The following MR1 variants were observed in gnomAD, a reference collection of about 807,000 sequenced individuals.
MR1 encodes major histocompatibility complex, class I-related, also known as major histocompatibility complex class I-related protein 1.
A neutral mutation model predicts 37.8 loss-of-function variants in MR1; 44 were observed. That is an observed-to-expected ratio of 1.16 (90% CI 0.91 to 1.50). The LOEUF (loss-of-function observed/expected upper bound fraction) is 1.50, where lower values mean the gene tolerates loss of function less well. Among genes scored for constraint, MR1 ranks in the 40% most tolerant of loss-of-function variants. The pLI is 0.00. For synonymous variants in MR1, 153 were observed against 155.8 expected, an observed-to-expected ratio of 0.98 and a Z score of 0.13; for missense variants, 386 against 419.1, an observed-to-expected ratio of 0.92 and a Z score of 0.69.
chr1:181,053,019 C>T (rs1187925245), intron 4 of MR1, among the ~76,000 whole-genome samples: 1 of 151,816 alleles, frequency 6.6e-6, no homozygotes, highest in African/African-American at 2.4e-5. Context: ...GAGCCGAGAT[C>T]GCACCACTAC....
At position 181,052,140 on chromosome 1, in the gene MR1, A is replaced by C. The variant is rs1173995210; in HGVS notation, c.605-95A>C. 5 of 1,410,924 alleles carry C rather than the reference A, an allele frequency of 3.5e-6. No homozygotes were observed. In the East Asian group the frequency reaches 9.3e-5, roughly 26 times the overall value. 87.4% of individuals were successfully genotyped at this position (1,410,924 alleles called of 1,614,324 possible). On this transcript the variant is annotated intron_variant, in intron 3 of 5. Transcript: ENST00000367580. ...ATTCTTAGCTTTAGAAGTTTCCTGC[A>C]ATAAAGAAAAATTAGGAAAGCCAGT... is the stretch of plus-strand genomic sequence containing the variant.
intron 1 of MR1, among the ~76,000 whole-genome samples, chr1:181,047,532 G>A (rs1249864263): frequency 6.6e-6 from 1 of 152,182 alleles, no homozygotes; most frequent in Admixed American, 6.5e-5. Flanking sequence ...CCAGGAGGCA[G>A]AGGTTGCAGT....
chr1:181,047,980 G>C (rs915236931), intron 1 of MR1, among the ~76,000 whole-genome samples: 1 of 151,826 alleles, frequency 6.6e-6, no homozygotes, highest in Non-Finnish European at 1.5e-5. Flanking sequence ...CACTTTGGGA[G>C]GCCGAGGTGG....
chr1:181,037,284 G>A (rs1657326209), intron 1 of MR1, among the ~76,000 whole-genome samples: 1 of 152,196 alleles, frequency 6.6e-6, no homozygotes, highest in South Asian at 2.1e-4. Flanking sequence ...GCTTAGAAGT[G>A]ACCTTGAGTT....
At chr1:181,048,951 A>C in intron 1 of MR1, 101 bp from the exon 2 acceptor site, 14 of 1,429,128 alleles carry the variant, frequency 9.8e-6, no homozygotes, top group East Asian at 2.3e-5. Context: ...AGGCCTGGGT[A>C]CAGCTGAGTA....
intron 1 of MR1, among the ~76,000 whole-genome samples, chr1:181,046,140 C>G (rs923497056): frequency 6.6e-6 from 1 of 152,218 alleles, no homozygotes; most frequent in Admixed American, 6.5e-5. Context: ...CTGTGCGGCC[C>G]GAGCCTCCCC....
chr1:181,051,861 A>G (rs1056741710), intron 3 of MR1, among the ~76,000 whole-genome samples: 4 of 152,214 alleles, frequency 2.6e-5, no homozygotes, highest in African/African-American at 4.8e-5. Flanking sequence ...CTAATCTCCA[A>G]TCTATTGCTG....
chr1:181,048,971 C>T (rs560698056), intron 1 of MR1, 81 bp from the exon 2 acceptor site: 138 of 1,535,736 alleles, frequency 9.0e-5, no homozygotes, highest in Admixed American at 1.8e-4. Flanking sequence ...AGGGAGCACT[C>T]GTGTGGGGCT....
intron 3 of MR1, chr1:181,051,170 T>C (rs1392638842): frequency 6.6e-6 from 1 of 151,626 alleles, no homozygotes; most frequent in Non-Finnish European, 1.5e-5. Context: ...GGGAAGAGTA[T>C]GGGAAGCTCC....
In MR1 at chr1:181,052,301, C is replaced by G; in HGVS notation, c.671C>G (p.Ala224Gly). Residue 224 changes from alanine (A) to glycine (G), a missense_variant, in exon 4 of 6, where the codon GCT (alanine) becomes GGT (glycine). By Grantham distance (60) the Ala-to-Gly change is moderately conservative (BLOSUM62 0). Transcript: ENST00000367580. ...GGGGTTACAGCTCTCTTCTGCAAAGCTCATGGCTTTTACCCCCCAGAAATT... is the reference window on the plus strand; with the variant it reads ...GGGGTTACAGCTCTCTTCTGCAAAGGTCATGGCTTTTACCCCCCAGAAATT... ...FPGVTALFCK[A>G]HGFYPPEIYM... 5.0e-6 allele frequency: 8 copies of G among 1,614,214 alleles called. No individual in the cohort carries two copies. The highest frequency in any genetic ancestry group is 6.8e-6 in the Non-Finnish European group (8 of 1,180,034).
chr1:181,049,412 G>A, intron 2 of MR1, 100 bp downstream of exon 2: 10 of 1,415,052 alleles, frequency 7.1e-6, no homozygotes, highest in Non-Finnish European at 8.5e-6. Context: ...TGCACCTGCT[G>A]TAGCTTTGGC....
intron 1 of MR1, among the ~76,000 whole-genome samples, chr1:181,040,633 G>T (rs914074721): frequency 6.6e-6 from 1 of 152,184 alleles, no homozygotes; most frequent in African/African-American, 2.4e-5. Context: ...GCAGAGCCAC[G>T]CTGGGCTGAA....
rs753842424 is a variant in MR1, at chr1:181,052,349, G to C, written c.719G>C (p.Gly240Ala). The C allele has an allele frequency of 1.2e-6, 2 of 1,614,144 alleles. No individual in the cohort carries two copies. The highest frequency in any genetic ancestry group is 2.2e-5 in the South Asian group (2 of 91,080). ...ATTTACATGACATGGATGAAAAACG[G>C]GGAAGAAATTGTCCAAGAAATTGAT... The part of the protein sequence containing the change: ...PEIYMTWMKN[G>A]EEIVQEIDYG... The change falls in exon 4 of 6, where the codon GGG becomes GCG. Residue 240 changes from glycine (G) to alanine (A), a missense_variant. By Grantham distance (60) the Gly-to-Ala change is moderately conservative (BLOSUM62 0). Coordinates refer to ENST00000367580, the MANE Select transcript of MR1 (RefSeq NM_001385161.1).
At position 181,061,339 on chromosome 1, in the gene MR1, G is replaced by A. The variant is rs534167991; in HGVS notation, c.*6074G>A. 1.1e-4 allele frequency: 16 copies of A among 152,328 alleles called. No homozygotes were observed. In the East Asian group the frequency reaches 1.2e-3, roughly 11 times the overall value. The allele number at this position is 152,328 out of a possible 1,614,324, so 9.4% of individuals were successfully genotyped here. On this transcript the variant is annotated 3_prime_UTR_variant, in exon 6 of 6. Transcript: ENST00000367580. ...GACGCCAGCCCAGGCCAGGTCACCC[G>A]GCTTGGCCAGCAGAACACAGAGTAG...
chr1:181,048,465 G>T (rs1397479001), intron 1 of MR1, among the ~76,000 whole-genome samples: 1 of 151,782 alleles, frequency 6.6e-6, no homozygotes. Context: ...AACCCAGGAG[G>T]CGGAGGTTGC....
intron 3 of MR1, chr1:181,051,097 T>G (rs1245531282): frequency 6.6e-6 from 1 of 152,150 alleles, no homozygotes; most frequent in Admixed American, 6.5e-5. Flanking sequence ...ATGTATGGTC[T>G]TGTTATTCAA....
At chr1:181,050,677 C>T (rs1262918311) in intron 3 of MR1, 1 of 272,842 alleles carries the variant, frequency 3.7e-6, no homozygotes, top group African/African-American at 2.2e-5. Context: ...CCAAGACAAA[C>T]AGAAGGTCTC....
In MR1 at chr1:181,042,428, T is replaced by C. The variant is rs893791624; in HGVS notation, c.68-6624T>C. On this transcript the variant is annotated intron_variant, in intron 1 of 5. Coordinates refer to ENST00000367580, the MANE Select transcript of MR1 (RefSeq NM_001385161.1). Reference sequence around the variant, plus strand: ...GTTGGTCAGGCTGGTCTTGAACTCCTGACCTTAGGTGATCCACCCACCTCG... The same window carrying C: ...GTTGGTCAGGCTGGTCTTGAACTCCCGACCTTAGGTGATCCACCCACCTCG... Among the ~76,000 whole-genome samples the C allele has an allele frequency of 8.7e-5, 13 of 150,252 alleles. No individual in the cohort carries two copies. The South Asian group carries it at 2.2e-3, about 25-fold the overall frequency.
At chr1:181,044,031 T>C (rs2102375793) in intron 1 of MR1, among the ~76,000 whole-genome samples, 1 of 150,462 alleles carries the variant, frequency 6.6e-6, no homozygotes, top group Admixed American at 6.6e-5. Flanking sequence ...TGGCGTGATC[T>C]TGGCTCACTG....
Sources: allele counts gnomAD v4.1 joint callset (sites outside exome capture counted in the v4.1 genomes callset), GRCh38; gene constraint gnomAD v4.1.1; transcripts MANE v1.5; gene names NCBI Gene and HGNC (gene_info 2026-07-23, HGNC 2026-07-21).